The following ARHGEF18 variants were observed in gnomAD, a reference collection of about 807,000 sequenced individuals.
ARHGEF18 encodes the protein rho guanine nucleotide exchange factor 18.
A neutral mutation model predicts 155.7 loss-of-function variants in ARHGEF18; 93 were observed. The observed-to-expected ratio is 0.60, with a 90% CI of 0.50 to 0.71. The LOEUF is 0.71. ARHGEF18 is among the 30% of genes least tolerant of loss of function. The probability of loss-of-function intolerance (pLI) is 0.00; values close to 1 mark genes in which losing one functional copy is unlikely to be tolerated. For missense variants in ARHGEF18, 1,593 were observed against 1,816.1 expected (o/e 0.88, Z 2.23); for synonymous variants, 742 against 753.1 (o/e 0.99, Z 0.24).
downstream of ARHGEF18, among the ~76,000 whole-genome samples, chr19:7,476,137 C>G (rs890020172): frequency 6.6e-6 from 1 of 152,150 alleles, no homozygotes; most frequent in Non-Finnish European, 1.5e-5. Context: ...GTGGTGAGAC[C>G]CTGTCTCTAC....
chr19:7,448,518 A>G (rs8102788), intron 15 of ARHGEF18, among the ~76,000 whole-genome samples: 102,634 of 151,932 alleles, frequency 0.68, 35,837 homozygotes, highest in African/African-American at 0.84. Flanking sequence ...AAAATTAGCC[A>G]GGCGTGGTGG....
chr19:7,419,708 A>G lies in ARHGEF18; in HGVS notation c.968-20636A>G, dbSNP rs76850524. Among the ~76,000 whole-genome samples, 24 of 152,170 alleles carry G rather than the reference A, an allele frequency of 1.6e-4. No homozygotes were observed. The East Asian group carries it at 4.6e-3, about 29-fold the overall frequency. On this transcript the variant is annotated intron_variant, in intron 10 of 28. Transcript: ENST00000668164. ...ACACTCCAGACCTGCCGTCTTGAGC[A>G]CTGAGTTGCGTAGGGTGTGTTGCAG...
At chr19:7,376,567 G>T (rs1970470109) in intron 4 of ARHGEF18, 76 bp from the exon 5 acceptor site, 3 of 933,574 alleles carry the variant, frequency 3.2e-6, no homozygotes. Context: ...GCTGTGGGTT[G>T]GGCCCCTCAA....
At chr19:7,456,830 G>T (rs968997788) in intron 18 of ARHGEF18, among the ~76,000 whole-genome samples, 1 of 152,218 alleles carries the variant, frequency 6.6e-6, no homozygotes, top group Non-Finnish European at 1.5e-5. Context: ...AACTGCCCAT[G>T]GAAGGGGCAC....
Position 7,462,295 on chromosome 19 carries a change from CT to C in ARHGEF18, c.2597del (p.Leu866ArgfsTer5). 1 of 1,609,054 alleles carries C rather than the reference CT, an allele frequency of 6.2e-7. No homozygotes were observed. ...CCGTGGAGGGGACCCATCCGAGACC[CT>C]GCAGGGGGAGCTAATTCTCAAGTCG... is the stretch of plus-strand genomic sequence containing the variant. ...LFRGGDPSET[L>X]QGELILKSAM... is the part of the protein sequence containing the mutation. On this transcript the variant is annotated frameshift_variant, in exon 21 of 29. Transcript: ENST00000668164. LOFTEE classifies it high-confidence loss of function. This position sits in a 1 kb window ranked among gnomAD's most constrained non-coding sequence, Gnocchi z 4.4.
intron 2 of ARHGEF18, among the ~76,000 whole-genome samples, chr19:7,371,841 T>C (rs964511964): frequency 6.7e-6 from 1 of 149,004 alleles, no homozygotes; most frequent in African/African-American, 2.5e-5. Flanking sequence ...AAGGTTACGA[T>C]GATAAATGTT....
intron 15 of ARHGEF18, among the ~76,000 whole-genome samples, chr19:7,448,432 CG>C (rs1207305996): frequency 6.6e-6 from 1 of 152,144 alleles, no homozygotes; most frequent in Non-Finnish European, 1.5e-5. Flanking sequence ...GAGGCCAAGG[CG>C]GGTGGATCAC....
intron 23 of ARHGEF18, among the ~76,000 whole-genome samples, chr19:7,465,710 G>C (rs1397912839): frequency 1.3e-5 from 2 of 152,190 alleles, no homozygotes; most frequent in Non-Finnish European, 2.9e-5. Flanking sequence ...ACCTGGCCTT[G>C]GGAGGATCAC....
chr19:7,364,908 C>A (rs963559461), intron 2 of ARHGEF18, among the ~76,000 whole-genome samples: 1 of 152,152 alleles, frequency 6.6e-6, no homozygotes, highest in Non-Finnish European at 1.5e-5. Context: ...AATGGGCAAG[C>A]TTTTATATCC....
At chr19:7,382,974 CTG>C in intron 9 of ARHGEF18, 80 bp downstream of exon 9, 1 of 1,232,254 alleles carries the variant, frequency 8.1e-7, no homozygotes, top group Middle Eastern at 3.1e-4. Context: ...AGCCCTGTGA[CTG>C]GGGCTGGTGG....
chr19:7,473,796 G>A (rs527519387), downstream of ARHGEF18, among the ~76,000 whole-genome samples: 6 of 134,424 alleles, frequency 4.5e-5, no homozygotes, highest in South Asian at 4.9e-4. Flanking sequence ...GCAATAGAGC[G>A]AGACTCCGTC....
At chr19:7,349,464 T>G (rs1969105169) in intron 1 of ARHGEF18, among the ~76,000 whole-genome samples, 1 of 151,914 alleles carries the variant, frequency 6.6e-6, no homozygotes, top group African/African-American at 2.4e-5. Context: ...CGGGGATCCT[T>G]GAGGGGCTGC....
intron 13 of ARHGEF18, among the ~76,000 whole-genome samples, chr19:7,442,423 G>A (rs539989608): frequency 7.9e-5 from 12 of 151,854 alleles, no homozygotes; most frequent in Admixed American, 1.3e-4. Flanking sequence ...CTGTAGAGTT[G>A]GGGGTCTCAC....
intron 10 of ARHGEF18, among the ~76,000 whole-genome samples, chr19:7,431,685 A>G (rs549523611): frequency 6.6e-6 from 1 of 152,194 alleles, no homozygotes; most frequent in South Asian, 2.1e-4. Flanking sequence ...GTGGCGGCGC[A>G]TGCCTGTAAT....
chr19:7,479,858 C>A, the ARHGEF18 span, among the ~76,000 whole-genome samples: 1 of 152,214 alleles, frequency 6.6e-6, no homozygotes, highest in Non-Finnish European at 1.5e-5. Context: ...TCAGTTGTAA[C>A]AAATGCACCA....
At chr19:7,397,632 C>T (rs1253203236) in intron 10 of ARHGEF18, among the ~76,000 whole-genome samples, 2 of 151,926 alleles carry the variant, frequency 1.3e-5, no homozygotes, top group East Asian at 3.9e-4. Context: ...AGTCAGGAGG[C>T]TGAGGCAGGA....
Position 7,470,647 on chromosome 19 carries a change from G to T in ARHGEF18, c.*349G>T, listed in dbSNP as rs1242007694. The T allele has an allele frequency of 7.5e-6, 3 of 397,930 alleles. No homozygotes were observed. The highest frequency in any genetic ancestry group is 1.3e-5 in the Non-Finnish European group (3 of 225,674). The allele number at this position is 397,930 out of a possible 1,614,324, so 24.6% of individuals were successfully genotyped here. A position where few individuals can be genotyped will look rare whatever the true frequency, so the allele number is the denominator to read the frequency against. ...AACTCCGAGCTGTTTTTCCGAGGCA[G>T]TGAGGAACGGTGCCGGCTCTGCACG... On this transcript the variant is annotated 3_prime_UTR_variant, in exon 29 of 29. Transcript: ENST00000668164. The surrounding 1 kb of genome is among the most constrained non-coding windows in gnomAD (Gnocchi z 5.9).
At chr19:7,479,657 A>T in the ARHGEF18 span, among the ~76,000 whole-genome samples, 1 of 152,342 alleles carries the variant, frequency 6.6e-6, no homozygotes, top group Admixed American at 6.5e-5. Flanking sequence ...AAATGATGAA[A>T]AACCACATGC....
intron 10 of ARHGEF18, among the ~76,000 whole-genome samples, chr19:7,428,063 A>G (rs1399850953): frequency 1.3e-5 from 2 of 152,246 alleles, no homozygotes; most frequent in Non-Finnish European, 2.9e-5. Flanking sequence ...TTAAATAAAC[A>G]GTAAGAAGAA....
Sources: allele counts gnomAD v4.1 joint callset (sites outside exome capture counted in the v4.1 genomes callset), GRCh38; gene constraint gnomAD v4.1.1; non-coding constraint Gnocchi (gnomAD v3.1); transcripts MANE v1.5; gene names NCBI Gene and HGNC (gene_info 2026-07-23, HGNC 2026-07-21).